The following GPC5 variants were observed in gnomAD, a reference collection of about 807,000 sequenced individuals.
The protein encoded by GPC5 is glypican 5.
GPC5 carries 47 observed loss-of-function variants against 53.9 expected under a neutral mutation model. The observed-to-expected ratio is 0.87, with a 90% CI of 0.69 to 1.11. The LOEUF is 1.11. Among genes scored for constraint, GPC5 ranks in the 50% most tolerant of loss-of-function variants. The pLI is 0.00. For missense variants in GPC5, 748 were observed against 713.1 expected (o/e 1.05, Z -0.56); for synonymous variants, 286 against 263.3 (o/e 1.09, Z -0.84).
At chr13:91,879,181 C>A (rs141977009) in intron 5 of GPC5, among the ~76,000 whole-genome samples, 1 of 151,936 alleles carries the variant, frequency 6.6e-6, no homozygotes, top group Admixed American at 6.6e-5. Context: ...GATACATGTG[C>A]GGACGTGCAG....
intron 2 of GPC5, among the ~76,000 whole-genome samples, chr13:91,632,139 G>C (rs1483436136): frequency 6.6e-6 from 1 of 152,124 alleles, no homozygotes; most frequent in Non-Finnish European, 1.5e-5. Flanking sequence ...GATCGTAGTA[G>C]GTCCCTTGAG....
chr13:92,700,776 C>T (rs371507781), intron 7 of GPC5, among the ~76,000 whole-genome samples: 40 of 152,160 alleles, frequency 2.6e-4, no homozygotes, highest in African/African-American at 8.9e-4. Context: ...GATGTGTTTT[C>T]TTGCCTCATG....
Position 91,571,886 on chromosome 13 carries a change from C to CACGTATACGT in GPC5, c.326-121301_326-121300insACGTATACGT, listed in dbSNP as rs2031848720. ...GTGTGTGTATATATACACACATATA[C>CACGTATACGT]GTGTGTATATACACATATTGTATAT... On this transcript the variant is annotated intron_variant, in intron 2 of 7. Coordinates refer to ENST00000377067, the MANE Select transcript of GPC5 (RefSeq NM_004466.6). Among the ~76,000 whole-genome samples, 4 of 64,982 alleles carry CACGTATACGT rather than the reference C, an allele frequency of 6.2e-5. 2 individuals are homozygous for CACGTATACGT. Among genetic ancestry groups the CACGTATACGT allele is most frequent in the Non-Finnish European group, 1.1e-4 (4 of 38,078 alleles). 42.6% of individuals were successfully genotyped at this position (64,982 alleles called of 152,430 possible). A position where few individuals can be genotyped will look rare whatever the true frequency, so the allele number is the denominator to read the frequency against.
chr13:91,549,749 A>C (rs1036708287), intron 2 of GPC5, among the ~76,000 whole-genome samples: 1 of 152,162 alleles, frequency 6.6e-6, no homozygotes, highest in African/African-American at 2.4e-5. Flanking sequence ...AATCCAGAAC[A>C]CTGACCCACA....
intron 7 of GPC5, among the ~76,000 whole-genome samples, chr13:92,422,410 A>G (rs941966942): frequency 3.9e-4 from 59 of 151,920 alleles, no homozygotes; most frequent in African/African-American, 1.3e-3. Flanking sequence ...CCAGCCCAAA[A>G]CAAGAGGTCA....
At chr13:92,572,932 T>C (rs550430113) in intron 7 of GPC5, among the ~76,000 whole-genome samples, 7 of 152,354 alleles carry the variant, frequency 4.6e-5, no homozygotes, top group Non-Finnish European at 7.4e-5. Context: ...TATGTAGATA[T>C]TGACTTCTTT....
intron 7 of GPC5, among the ~76,000 whole-genome samples, chr13:92,682,930 C>A (rs1292581978): frequency 6.6e-6 from 1 of 152,102 alleles, no homozygotes; most frequent in Admixed American, 6.6e-5. Context: ...CTCTTTTCTC[C>A]TCTCCTTGTT....
intron 7 of GPC5, among the ~76,000 whole-genome samples, chr13:92,197,554 G>C (rs985239211): frequency 3.9e-5 from 6 of 152,046 alleles, no homozygotes. Flanking sequence ...ATGGAGTGTG[G>C]TGGTACAACC....
intron 6 of GPC5, among the ~76,000 whole-genome samples, chr13:92,013,112 G>T (rs142703767): frequency 2.5e-4 from 38 of 152,326 alleles, no homozygotes; most frequent in Non-Finnish European, 5.4e-4. Flanking sequence ...TGTGGCAGCT[G>T]CCCTCTGCCA....
At chr13:92,014,443 A>G (rs1248175919) in intron 6 of GPC5, among the ~76,000 whole-genome samples, 3 of 152,158 alleles carry the variant, frequency 2.0e-5, no homozygotes, top group African/African-American at 7.2e-5. Context: ...CCTCCTTACA[A>G]TGTGAAAGGA....
intron 7 of GPC5, among the ~76,000 whole-genome samples, chr13:92,782,324 C>T (rs1053250792): frequency 3.3e-5 from 5 of 152,070 alleles, no homozygotes; most frequent in African/African-American, 1.2e-4. Flanking sequence ...GGCAAATAAC[C>T]CATGCCCTTA....
At chr13:91,456,745 A>G (rs1415353816) in intron 2 of GPC5, among the ~76,000 whole-genome samples, 1 of 151,954 alleles carries the variant, frequency 6.6e-6, no homozygotes, top group Non-Finnish European at 1.5e-5. Context: ...GATATATAAA[A>G]CTTGCATGCT....
At chr13:92,500,674 G>A (rs748040273) in intron 7 of GPC5, among the ~76,000 whole-genome samples, 1 of 152,138 alleles carries the variant, frequency 6.6e-6, no homozygotes, top group Non-Finnish European at 1.5e-5. Context: ...AGTAGCAGCA[G>A]CAGTGAAGTC....
At chr13:91,863,642 T>G (rs2039054174) in intron 5 of GPC5, among the ~76,000 whole-genome samples, 1 of 152,164 alleles carries the variant, frequency 6.6e-6, no homozygotes, top group Admixed American at 6.6e-5. Context: ...CTAGAACTGA[T>G]TAAAGTCCAT....
At position 91,604,344 on chromosome 13, in the gene GPC5, G is replaced by A. The variant is rs1320936750; in HGVS notation, c.326-88843G>A. Among the ~76,000 whole-genome samples, 8 of 149,882 alleles carry A rather than the reference G, an allele frequency of 5.3e-5. No homozygotes were observed. The East Asian group carries it at 1.6e-3, about 29-fold the overall frequency. ...ATATGTGCCACATTTTCTTAATCCAGTCTATCATTGTTGGACATTTGGGTT... is the reference window on the plus strand; with the variant it reads ...ATATGTGCCACATTTTCTTAATCCAATCTATCATTGTTGGACATTTGGGTT... On this transcript the variant is annotated intron_variant, in intron 2 of 7. Coordinates refer to ENST00000377067, the MANE Select transcript of GPC5 (RefSeq NM_004466.6).
chr13:92,440,819 G>T (rs1377637370), intron 7 of GPC5, among the ~76,000 whole-genome samples: 1 of 152,096 alleles, frequency 6.6e-6, no homozygotes, highest in Non-Finnish European at 1.5e-5. Flanking sequence ...TCTTATTGTG[G>T]TTTCGATTTG....
At chr13:91,833,523 C>T (rs571703571) in intron 5 of GPC5, among the ~76,000 whole-genome samples, 1 of 152,164 alleles carries the variant, frequency 6.6e-6, no homozygotes, top group East Asian at 1.9e-4. Flanking sequence ...AAACCAAATC[C>T]AGCAGCACAT....
At chr13:92,142,472 C>T (rs1241231002) in intron 6 of GPC5, among the ~76,000 whole-genome samples, 4 of 152,146 alleles carry the variant, frequency 2.6e-5, no homozygotes, top group Non-Finnish European at 4.4e-5. Flanking sequence ...GTGCCTCAGA[C>T]ATTTCCTAGA....
chr13:91,605,268 A>G (rs1334305398), intron 2 of GPC5, among the ~76,000 whole-genome samples: 2 of 147,594 alleles, frequency 1.4e-5, no homozygotes, highest in Admixed American at 6.8e-5. Flanking sequence ...AGTTGTAGAG[A>G]TGCGGCGTTA....
Sources: gnomAD v4.1 joint callset for allele counts (sites outside exome capture counted in the v4.1 genomes callset) on GRCh38, gnomAD v4.1.1 for gene constraint, MANE v1.5 for transcripts, NCBI Gene and HGNC (gene_info 2026-07-23, HGNC 2026-07-21) for gene names.